Variants in TMEM115 observed in about 807,000 individuals in gnomAD.
The protein encoded by TMEM115 is PP6.
A neutral mutation model predicts 20.1 loss-of-function variants in TMEM115; 8 were observed. The ratio of observed to expected loss-of-function variants is 0.40; its 90% CI spans 0.23 to 0.72. TMEM115 has a LOEUF of 0.72. Among genes scored for constraint, TMEM115 ranks in the 30% least tolerant of loss-of-function variants. TMEM115 has a pLI of 0.39. For synonymous variants in TMEM115, 229 were observed against 206.2 expected, an observed-to-expected ratio of 1.11 and a Z score of -0.95; for missense variants, 374 against 455.1, an observed-to-expected ratio of 0.82 and a Z score of 1.62.
At position 50,359,079 on chromosome 3, in the gene TMEM115, C is replaced by T. The variant is rs1198517600; in HGVS notation, c.-16G>A. 6.5e-7 allele frequency: 1 copy of T among 1,542,700 alleles called. No homozygotes were observed. Among genetic ancestry groups the T allele is most frequent in the South Asian group, 1.2e-5 (1 of 83,662 alleles). On this transcript the variant is annotated 5_prime_UTR_variant, in exon 1 of 2. Coordinates refer to ENST00000266025, the MANE Select transcript of TMEM115 (RefSeq NM_007024.5). ...CACGTTGCATCTTCCTGGCGGCTGT[C>T]GGCCTGAGAAAAGGGTCTGGTAGGC...
intron 1 of TMEM115, among the ~76,000 whole-genome samples, chr3:50,357,258 C>T (rs1365430861): frequency 6.6e-6 from 1 of 152,228 alleles, no homozygotes; most frequent in Non-Finnish European, 1.5e-5. Context: ...CACTCAATTC[C>T]ATAGCCCAGT....
intron 1 of TMEM115, among the ~76,000 whole-genome samples, chr3:50,356,203 G>T (rs1003681720): frequency 6.6e-6 from 1 of 152,246 alleles, no homozygotes; most frequent in African/African-American, 2.4e-5. Context: ...AGGAGAAGAA[G>T]GAGAAACAGC....
chr3:50,357,736 A>C (rs1703900466), intron 1 of TMEM115, among the ~76,000 whole-genome samples: 1 of 152,206 alleles, frequency 6.6e-6, no homozygotes, highest in Non-Finnish European at 1.5e-5. Context: ...CCTCTCAATA[A>C]GTAAGTGGCA....
At position 50,359,144 on chromosome 3, in the gene TMEM115, T is replaced by G; in HGVS notation, c.-81A>C. The stretch of plus-strand genomic sequence containing the variant: ...GGGCCTCGTCCTAGTCCGGCCCCGA[T>G]GGGAGGCCCAGGCCCGGCCTAGTCA... On this transcript the variant is annotated 5_prime_UTR_variant, in exon 1 of 2. Coordinates refer to ENST00000266025, the MANE Select transcript of TMEM115 (RefSeq NM_007024.5). The G allele has an allele frequency of 3.5e-4, 479 of 1,387,826 alleles. No individual in the cohort carries two copies. The highest frequency in any genetic ancestry group is 1.3e-3 in the East Asian group (48 of 36,116). 86.0% of individuals were successfully genotyped at this position (1,387,826 alleles called of 1,614,324 possible).
intron 1 of TMEM115, among the ~76,000 whole-genome samples, chr3:50,356,278 T>C (rs1324032577): frequency 6.6e-6 from 1 of 152,188 alleles, no homozygotes; most frequent in Non-Finnish European, 1.5e-5. Flanking sequence ...AGGCCCCACT[T>C]TGAGGGCAGG....
chr3:50,358,225 G>A lies in TMEM115; in HGVS notation c.839C>T (p.Ala280Val), dbSNP rs756969854. The change falls in exon 1 of 2, where the codon GCC (alanine) becomes GTC (valine). Residue 280 changes from alanine (A) to valine (V), a missense_variant. Ala to Val is a moderately conservative substitution (Grantham distance 64). Coordinates refer to ENST00000266025, the MANE Select transcript of TMEM115 (RefSeq NM_007024.5). ...AATTTCACAGTACCTTCTCCGCTCG[G>A]CGTCTTGAGGGTCTGTGCCTGGCAG... ...ISLPGTDPQD[A>V]ERRRQLALKA... 21 of 1,612,684 alleles carry A rather than the reference G, an allele frequency of 1.3e-5. No individual in the cohort carries two copies. Among genetic ancestry groups the A allele is most frequent in the Non-Finnish European group, 1.8e-5 (21 of 1,178,952 alleles).
At chr3:50,358,025 G>C (rs948033573) in intron 1 of TMEM115, 188 bp downstream of exon 1, 2 of 707,204 alleles carry the variant, frequency 2.8e-6, no homozygotes, top group African/African-American at 3.6e-5. Context: ...GGTGAGAAAA[G>C]TGCCTCGTGG....
rs1331649847 is a variant in TMEM115 at position 50,358,468 on chromosome 3, A to G, written c.596T>C (p.Leu199Pro). ...GAAGCGAAGATATACCCAACTGGAGAGCAGCCCGAAGCCATAGGAAGCCAG... is the reference window on the plus strand; with the variant it reads ...GAAGCGAAGATATACCCAACTGGAGGGCAGCCCGAAGCCATAGGAAGCCAG... ...PALASYGFGLLSSWVYLRFYQ... is the reference protein window; with the variant it reads ...PALASYGFGLPSSWVYLRFYQ... The change falls in exon 1 of 2, where the codon CTC becomes CCC. Residue 199 changes from leucine (L) to proline (P), a missense_variant. Coordinates refer to ENST00000266025, the MANE Select transcript of TMEM115 (RefSeq NM_007024.5). 3.7e-6 allele frequency: 6 copies of G among 1,613,300 alleles called. No homozygotes were observed. In the Admixed American group the frequency reaches 1.0e-4, roughly 27 times the overall value.
At position 50,358,930 on chromosome 3, in the gene TMEM115, A is replaced by G. The variant is rs1575570725; in HGVS notation, c.134T>C (p.Leu45Pro). The G allele has an allele frequency of 6.2e-7, 1 of 1,612,688 alleles. No individual in the cohort carries two copies. Among genetic ancestry groups the G allele is most frequent in the Non-Finnish European group, 8.5e-7 (1 of 1,179,886 alleles). Reference sequence around the variant, plus strand: ...AAAGAGGTAGCCCGGGGTGACCGCCAGGCAGCCTGTGTCCACGGCGAAGGA... The same window carrying G: ...AAAGAGGTAGCCCGGGGTGACCGCCGGGCAGCCTGTGTCCACGGCGAAGGA... ...LLSFAVDTGC[L>P]AVTPGYLFPP... is the part of the protein sequence containing the mutation. The change falls in exon 1 of 2, where the codon CTG becomes CCG. Residue 45 changes from leucine to proline, a missense_variant. Transcript: ENST00000266025.
intron 1 of TMEM115, among the ~76,000 whole-genome samples, chr3:50,357,651 C>T (rs1285658958): frequency 3.3e-5 from 5 of 152,186 alleles, no homozygotes; most frequent in Admixed American, 6.5e-5. Context: ...CTCAGTGGGT[C>T]ATGTAGCCTG....
At position 50,358,693 on chromosome 3, in the gene TMEM115, G is replaced by A. The variant is rs1703915688; in HGVS notation, c.371C>T (p.Ser124Phe). ...AGTGAACAGGTAGACCAGGTTGAAGGAAGCCATGTAGGTGAGGAGGTAGGC... is the reference window on the plus strand; with the variant it reads ...AGTGAACAGGTAGACCAGGTTGAAGAAAGCCATGTAGGTGAGGAGGTAGGC... ...AFAYLLTYMASFNLVYLFTVR... is the reference protein window; with the variant it reads ...AFAYLLTYMAFFNLVYLFTVR... Residue 124 changes from serine to phenylalanine, a missense_variant, in exon 1 of 2, where the codon TCC becomes TTC. Physicochemically the swap from Ser to Phe is radical, Grantham distance 155 (BLOSUM62 -2). Coordinates refer to ENST00000266025, the MANE Select transcript of TMEM115 (RefSeq NM_007024.5). 2.5e-6 allele frequency: 4 copies of A among 1,613,430 alleles called. No individual in the cohort carries two copies. Among genetic ancestry groups the A allele is most frequent in the South Asian group, 1.1e-5 (1 of 91,082 alleles).
intron 1 of TMEM115, 198 bp downstream of exon 1, chr3:50,358,015 G>T: frequency 1.5e-6 from 1 of 653,292 alleles, no homozygotes. Context: ...TGGCCCGAGT[G>T]GTGAGAAAAG....
At position 50,358,667 on chromosome 3, in the gene TMEM115, C is replaced by G; in HGVS notation, c.397G>C (p.Val133Leu). 6.2e-7 allele frequency: 1 copy of G among 1,613,402 alleles called. No homozygotes were observed. The highest frequency in any genetic ancestry group is 8.5e-7 in the Non-Finnish European group (1 of 1,180,008). Residue 133 changes from valine to leucine, a missense_variant, in exon 1 of 2, where the codon GTC (valine) becomes CTC (leucine). Physicochemically the swap from Val to Leu is conservative, Grantham distance 32. Coordinates refer to ENST00000266025, the MANE Select transcript of TMEM115 (RefSeq NM_007024.5). ...ASFNLVYLFT[V>L]RIHGALGFLG... ...AAGCCCAAGGCGCCGTGGATACGGACAGTGAACAGGTAGACCAGGTTGAAG... is the reference window on the plus strand; with the variant it reads ...AAGCCCAAGGCGCCGTGGATACGGAGAGTGAACAGGTAGACCAGGTTGAAG...
Position 50,359,038 on chromosome 3 carries a change from C to T in TMEM115, c.26G>A (p.Arg9His), listed in dbSNP as rs1229206451. The T allele has an allele frequency of 3.2e-6, 5 of 1,555,002 alleles. No individual in the cohort carries two copies. Among genetic ancestry groups the T allele is most frequent in the Non-Finnish European group, 4.3e-6 (5 of 1,149,442 alleles). The change falls in exon 1 of 2, where the codon CGC becomes CAC. Residue 9 changes from arginine (R) to histidine (H), a missense_variant. Arg to His is a conservative substitution (Grantham distance 29, BLOSUM62 0). Transcript: ENST00000266025. MQRALPGA[R>H]QHLGAILASA... ...GGCCAGAATGGCCCCCAAGTGCTGG[C>T]GGGCGCCTGGCAGGGCACGTTGCAT...
In TMEM115 at chr3:50,358,965, G is replaced by C. The variant is rs760010913; in HGVS notation, c.99C>G (p.Leu33=). The change falls in exon 1 of 2, where the codon CTC becomes CTG. Residue 33 remains leucine, a synonymous_variant. Transcript: ENST00000266025. Reference sequence around the variant, plus strand: ...TGTCCACGGCGAAGGAGAGCAGGTAGAGGAATAGTACCGCCGCACACAGAG... The same window carrying C: ...TGTCCACGGCGAAGGAGAGCAGGTACAGGAATAGTACCGCCGCACACAGAG... ...VKALCAAVLF[L]YLLSFAVDTG... 1 of 1,608,808 alleles carries C rather than the reference G, an allele frequency of 6.2e-7. No individual in the cohort carries two copies. The highest frequency in any genetic ancestry group is 1.3e-5 in the African/African-American group (1 of 74,884).
rs587672605 is a variant in TMEM115, at chr3:50,355,125, C to T, written c.*218G>A. ...ACCTCAGATGAGGGCCTGGACTGGC[C>T]GATGCCTCAGAGGCTCCGGGCCTGG... is the stretch of plus-strand genomic sequence containing the variant. On this transcript the variant is annotated 3_prime_UTR_variant, in exon 2 of 2. Coordinates refer to ENST00000266025, the MANE Select transcript of TMEM115 (RefSeq NM_007024.5). 10 of 408,766 alleles carry T rather than the reference C, an allele frequency of 2.4e-5. No homozygotes were observed. Among genetic ancestry groups the T allele is most frequent in the South Asian group, 9.1e-5 (1 of 11,010 alleles). 25.3% of individuals were successfully genotyped at this position (408,766 alleles called of 1,614,324 possible).
Position 50,359,027 on chromosome 3 carries a change from C to T in TMEM115, c.37G>A (p.Gly13Arg). Residue 13 changes from glycine (G) to arginine (R), a missense_variant, in exon 1 of 2, where the codon GGG (glycine) becomes AGG (arginine). Coordinates refer to ENST00000266025, the MANE Select transcript of TMEM115 (RefSeq NM_007024.5). Reference sequence around the variant, plus strand: ...ACGCTGGCGCTGGCCAGAATGGCCCCCAAGTGCTGGCGGGCGCCTGGCAGG... The same window carrying T: ...ACGCTGGCGCTGGCCAGAATGGCCCTCAAGTGCTGGCGGGCGCCTGGCAGG... Reference protein sequence around the residue: ...RALPGARQHLGAILASASVVV... With the variant: ...RALPGARQHLRAILASASVVV... The T allele has an allele frequency of 1.3e-6, 2 of 1,561,334 alleles. No individual in the cohort carries two copies. The highest frequency in any genetic ancestry group is 1.7e-6 in the Non-Finnish European group (2 of 1,153,030).
chr3:50,359,212 G>C lies in TMEM115; in HGVS notation c.-149C>G. The C allele has an allele frequency of 1.6e-6, 2 of 1,289,774 alleles. No individual in the cohort carries two copies. Among genetic ancestry groups the C allele is most frequent in the South Asian group, 1.6e-5 (1 of 63,308 alleles). 79.9% of individuals were successfully genotyped at this position (1,289,774 alleles called of 1,614,324 possible). On this transcript the variant is annotated 5_prime_UTR_variant, in exon 1 of 2. Transcript: ENST00000266025. Reference sequence around the variant, plus strand: ...TAAAGGATCCGCTTCCGATCGGGTGGGGCTCTGGTCCCGAGGGGCCGAGTC... The same window carrying C: ...TAAAGGATCCGCTTCCGATCGGGTGCGGCTCTGGTCCCGAGGGGCCGAGTC...
In TMEM115 at chr3:50,354,950, T is replaced by G; in HGVS notation, c.*393A>C. 1 of 170,212 alleles carries G rather than the reference T, an allele frequency of 5.9e-6. No individual in the cohort carries two copies. The highest frequency in any genetic ancestry group is 1.2e-5 in the Non-Finnish European group (1 of 80,246). 10.5% of individuals were successfully genotyped at this position (170,212 alleles called of 1,614,324 possible). A position where few individuals can be genotyped will look rare whatever the true frequency, so the allele number is the denominator to read the frequency against. On this transcript the variant is annotated 3_prime_UTR_variant, in exon 2 of 2. Transcript: ENST00000266025. ...GTGCAGCCCCAGGTCGGCTCCTGCA[T>G]TTGCTGGGCCCCCAGAACATTTTTG...
Sources: gnomAD v4.1 joint callset for allele counts (sites outside exome capture counted in the v4.1 genomes callset) on GRCh38, gnomAD v4.1.1 for gene constraint, MANE v1.5 for transcripts, NCBI Gene and HGNC (gene_info 2026-07-23, HGNC 2026-07-21) for gene names.